Variants in ADAMTS2 observed in about 807,000 individuals in gnomAD.
ADAMTS2 encodes A disintegrin and metalloproteinase with thrombospondin motifs 2.
A neutral mutation model predicts 123.0 loss-of-function variants in ADAMTS2; 50 were observed. The ratio of observed to expected loss-of-function variants is 0.41; its 90% CI spans 0.32 to 0.51. ADAMTS2 has a LOEUF of 0.51. ADAMTS2 is among the 20% of genes least tolerant of loss of function. The probability of loss-of-function intolerance (pLI) is 0.35; values close to 1 mark genes in which losing one functional copy is unlikely to be tolerated. For synonymous variants in ADAMTS2, 678 were observed against 695.4 expected (o/e 0.98, Z 0.39); for missense variants, 1,494 against 1,705.2 (o/e 0.88, Z 2.18).
In ADAMTS2 at chr5:179,170,207, A is replaced by G. The variant is rs1037979626; in HGVS notation, c.975+10865T>C. 6.6e-6 allele frequency among the ~76,000 whole-genome samples: 1 copy of G among 152,234 alleles called. No individual in the cohort carries two copies. Reference sequence around the variant, plus strand: ...AGCTAGAAGACAAACATGTCACTCAAACAAGTGCTACCAATTTTATCCCCA... The same window carrying G: ...AGCTAGAAGACAAACATGTCACTCAGACAAGTGCTACCAATTTTATCCCCA... On this transcript the variant is annotated intron_variant, in intron 5 of 21. Transcript: ENST00000251582. This position sits in a 1 kb window ranked among gnomAD's most constrained non-coding sequence, Gnocchi z 4.3.
Position 179,336,680 on chromosome 5 carries a change from G to A in ADAMTS2, c.534+7087C>T, listed in dbSNP as rs77043308. Among the ~76,000 whole-genome samples, 552 of 152,328 alleles carry A rather than the reference G, an allele frequency of 3.6e-3. 8 individuals are homozygous for A. Among genetic ancestry groups the A allele is most frequent in the African/African-American group, 0.013 (531 of 41,570 alleles). On this transcript the variant is annotated intron_variant, in intron 2 of 21. Transcript: ENST00000251582. ...TCTCACCCCCGGGCCTGGGGTAGGC[G>A]CTTGCTGCACACCCACCCTTTCACT...
rs756134923 is a variant in ADAMTS2 at position 179,283,945 on chromosome 5, GATTATT to G, written c.535-10887_535-10882del. ...AAAACAAAACAATAAATGGTCAGAT[GATTATT>G]ATTATTATTATTATTATTATTATTA... On this transcript the variant is annotated intron_variant, in intron 2 of 21. Coordinates refer to ENST00000251582, the MANE Select transcript of ADAMTS2 (RefSeq NM_014244.5). Among the ~76,000 whole-genome samples the G allele has an allele frequency of 5.7e-3, 681 of 120,508 alleles. 5 individuals are homozygous for G. The highest frequency in any genetic ancestry group is 0.021 in the African/African-American group (627 of 29,718). The allele number at this position is 120,508 out of a possible 152,430, so 79.1% of individuals were successfully genotyped here.
chr5:179,319,190 G>A (rs751487387), intron 2 of ADAMTS2, among the ~76,000 whole-genome samples: 2 of 151,380 alleles, frequency 1.3e-5, no homozygotes, highest in African/African-American at 2.5e-5. Flanking sequence ...GCACCATGCA[G>A]ACGCATGCAC....
At position 179,272,968 on chromosome 5, in the gene ADAMTS2, C is replaced by T; in HGVS notation, c.631G>A (p.Val211Met). ...QEAEQGRVHVVYRRPPTSPPL... is the reference protein window; with the variant it reads ...QEAEQGRVHVMYRRPPTSPPL... The stretch of plus-strand genomic sequence containing the variant: ...GGGGACGTGGGTGGCCGGCGATACA[C>T]CACATGCACACGGCCTTGCTCAGCC... The change falls in exon 3 of 22, where the codon GTG becomes ATG. Residue 211 changes from valine (V) to methionine (M), a missense_variant. Physicochemically the swap from Val to Met is conservative, Grantham distance 21. This residue lies in a region of ADAMTS2 where 184 missense variants were observed against 152.1 expected (regional missense o/e 1.21). Coordinates refer to ENST00000251582, the MANE Select transcript of ADAMTS2 (RefSeq NM_014244.5). The surrounding 1 kb of genome is among the most constrained non-coding windows in gnomAD (Gnocchi z 5.8). 1.2e-6 allele frequency: 2 copies of T among 1,612,956 alleles called. No homozygotes were observed. Among genetic ancestry groups the T allele is most frequent in the Non-Finnish European group, 1.7e-6 (2 of 1,180,008 alleles).
intron 5 of ADAMTS2, among the ~76,000 whole-genome samples, chr5:179,171,636 C>T (rs957696980): frequency 6.6e-6 from 1 of 152,196 alleles, no homozygotes; most frequent in African/African-American, 2.4e-5. Context: ...ACTGGCGTCC[C>T]CTACCCCCAT....
At chr5:179,156,609 C>T (rs1303013086) in intron 6 of ADAMTS2, among the ~76,000 whole-genome samples, 1 of 152,138 alleles carries the variant, frequency 6.6e-6, no homozygotes, top group Non-Finnish European at 1.5e-5. Flanking sequence ...CTGCCCGCCT[C>T]GGCCTCCCAC....
chr5:179,340,015 C>A (rs1423221795), intron 2 of ADAMTS2, among the ~76,000 whole-genome samples: 2 of 152,244 alleles, frequency 1.3e-5, no homozygotes, highest in African/African-American at 4.8e-5. Context: ...CGCAGGGGAG[C>A]CCCAGCCTGA....
chr5:179,114,779 A>C (rs1762629421), intron 21 of ADAMTS2, among the ~76,000 whole-genome samples: 1 of 152,212 alleles, frequency 6.6e-6, no homozygotes. Context: ...TAACAAAATT[A>C]AACCTAAAAG....
Position 179,343,755 on chromosome 5 carries a change from G to A in ADAMTS2, c.534+12C>T. ...CAGCGGAGAGAAAGGAGCTAGAGAA[G>A]TGCGTACTCACCAGCCCATCGCAGT... On this transcript the variant is annotated intron_variant, in intron 2 of 21. Coordinates refer to ENST00000251582, the MANE Select transcript of ADAMTS2 (RefSeq NM_014244.5). 1 of 1,608,922 alleles carries A rather than the reference G, an allele frequency of 6.2e-7. No homozygotes were observed. Among genetic ancestry groups the A allele is most frequent in the Non-Finnish European group, 8.5e-7 (1 of 1,179,468 alleles).
At chr5:179,290,301 C>T (rs146655881) in intron 2 of ADAMTS2, among the ~76,000 whole-genome samples, 2 of 152,278 alleles carry the variant, frequency 1.3e-5, no homozygotes, top group African/African-American at 4.8e-5. Flanking sequence ...TCTTTGCACA[C>T]ATGGGCTTTC....
rs1024086931 is a variant in ADAMTS2, at chr5:179,285,289, G to A, written c.535-12225C>T. ...CAATTCATGTGAAGACAGGAGAGAC[G>A]GAAAGGGGGAGAGCACAGAGAGAAA... is the stretch of plus-strand genomic sequence containing the variant. On this transcript the variant is annotated intron_variant, in intron 2 of 21. Coordinates refer to ENST00000251582, the MANE Select transcript of ADAMTS2 (RefSeq NM_014244.5). This position sits in a 1 kb window ranked among gnomAD's most constrained non-coding sequence, Gnocchi z 4.9. Among the ~76,000 whole-genome samples the A allele has an allele frequency of 3.3e-5, 5 of 152,202 alleles. No individual in the cohort carries two copies. The highest frequency in any genetic ancestry group is 7.2e-5 in the African/African-American group (3 of 41,456).
In ADAMTS2 at chr5:179,137,785, G is replaced by A. The variant is rs1337088096; in HGVS notation, c.1935C>T (p.Pro645=). 1 of 1,575,562 alleles carries A rather than the reference G, an allele frequency of 6.3e-7. No individual in the cohort carries two copies. Among genetic ancestry groups the A allele is most frequent in the Non-Finnish European group, 8.6e-7 (1 of 1,163,446 alleles). The change falls in exon 12 of 22, where the codon CCC becomes CCT. Residue 645 remains proline, a synonymous_variant. Coordinates refer to ENST00000251582, the MANE Select transcript of ADAMTS2 (RefSeq NM_014244.5). ...EHGDAQHHWL[P]HEHRDAKERC... ...AGGGCTCACCATCCCGGTGCTCGTG[G>A]GGCAGCCAGTGGTGCTGGGCGTCGC...
intron 3 of ADAMTS2, among the ~76,000 whole-genome samples, chr5:179,220,123 C>T (rs11739937): frequency 0.26 from 39,786 of 152,206 alleles, 5,335 homozygotes; most frequent in Admixed American, 0.29. Context: ...ACGGGGGCAC[C>T]GCAGCACGCG....
chr5:179,134,524 G>T (rs559145632), intron 13 of ADAMTS2, among the ~76,000 whole-genome samples: 2 of 152,274 alleles, frequency 1.3e-5, no homozygotes, highest in East Asian at 1.9e-4. Flanking sequence ...TTCCTCAGGA[G>T]CCCTCTCAGT....
intron 2 of ADAMTS2, among the ~76,000 whole-genome samples, chr5:179,302,324 G>A (rs1230770426): frequency 8.7e-5 from 13 of 149,968 alleles, no homozygotes; most frequent in Admixed American, 2.0e-4. Context: ...TTAGCCGGGC[G>A]TGGTGGGGGG....
intron 3 of ADAMTS2, among the ~76,000 whole-genome samples, chr5:179,229,898 C>G (rs1262840636): frequency 6.6e-6 from 1 of 152,166 alleles, no homozygotes; most frequent in African/African-American, 2.4e-5. Context: ...GCTGGCCGGA[C>G]AGGCCTCTCT....
At chr5:179,291,402 C>T (rs1028715189) in intron 2 of ADAMTS2, among the ~76,000 whole-genome samples, 2 of 152,218 alleles carry the variant, frequency 1.3e-5, no homozygotes, top group South Asian at 2.1e-4. Flanking sequence ...CCAGGGCTGG[C>T]TGCATCCACC....
chr5:179,222,464 G>A (rs1389209103), intron 3 of ADAMTS2, among the ~76,000 whole-genome samples: 2 of 152,200 alleles, frequency 1.3e-5, no homozygotes, highest in Non-Finnish European at 2.9e-5. Context: ...CAGGAGGGGA[G>A]GGAGGGCCAC....
Position 179,181,821 on chromosome 5 carries a change from T to C in ADAMTS2, c.892-666A>G, listed in dbSNP as rs137864534. Among the ~76,000 whole-genome samples, 92 of 152,266 alleles carry C rather than the reference T, an allele frequency of 6.0e-4. No homozygotes were observed. In the East Asian group the frequency reaches 0.016, roughly 27 times the overall value. ...AACCATTATTCTGAGCAGGTGCCAATGGGCTTCAGCAGATATCAAAGGGAC... is the reference window on the plus strand; with the variant it reads ...AACCATTATTCTGAGCAGGTGCCAACGGGCTTCAGCAGATATCAAAGGGAC... On this transcript the variant is annotated intron_variant, in intron 4 of 21. Transcript: ENST00000251582. This position sits in a 1 kb window ranked among gnomAD's most constrained non-coding sequence, Gnocchi z 4.1.
Sources: gnomAD v4.1 joint callset for allele counts (sites outside exome capture counted in the v4.1 genomes callset) on GRCh38, gnomAD v4.1.1 for gene constraint, gnomAD v4.1.1 regional missense constraint, Gnocchi (gnomAD v3.1) non-coding constraint, MANE v1.5 for transcripts, NCBI Gene and HGNC (gene_info 2026-07-23, HGNC 2026-07-21) for gene names.